THSD7A: variants seen among roughly 807,000 people sequenced by gnomAD.
THSD7A encodes thrombospondin type 1 domain containing 7A, also known as thrombospondin type-1 domain-containing protein 7A.
A neutral mutation model predicts 231.3 loss-of-function variants in THSD7A; 96 were observed. That is an observed-to-expected ratio of 0.41 (90% CI 0.35 to 0.49). The LOEUF (loss-of-function observed/expected upper bound fraction) is 0.49. Ranked by LOEUF, THSD7A falls within the 20% of genes least tolerant of loss-of-function variation. THSD7A has a pLI of 0.05. For synonymous variants in THSD7A, 940 were observed against 743.3 expected (o/e 1.26, Z -4.30); for missense variants, 2,290 against 2,070.2 (o/e 1.11, Z -2.06).
At chr7:11,553,924 A>G (rs535528685) in intron 4 of THSD7A, among the ~76,000 whole-genome samples, 4 of 152,058 alleles carry the variant, frequency 2.6e-5, no homozygotes, top group East Asian at 3.9e-4. Context: ...CACATACTAT[A>G]TAACCTCTAA....
At chr7:11,607,452 C>T (rs1260409861) in intron 2 of THSD7A, among the ~76,000 whole-genome samples, 1 of 151,956 alleles carries the variant, frequency 6.6e-6, no homozygotes, top group African/African-American at 2.4e-5. Flanking sequence ...ATCAGTAATG[C>T]CCCTTTCTTC....
chr7:11,400,061 A>G (rs1783341433), intron 23 of THSD7A, among the ~76,000 whole-genome samples: 1 of 151,438 alleles, frequency 6.6e-6, no homozygotes, highest in African/African-American at 2.4e-5. Flanking sequence ...TATGGCAAGG[A>G]CGAAAAACCA....
At position 11,831,965 on chromosome 7, in the gene THSD7A, A is replaced by G; in HGVS notation, c.-19T>C. The G allele has an allele frequency of 8.2e-7, 1 of 1,225,916 alleles. No individual in the cohort carries two copies. Among genetic ancestry groups the G allele is most frequent in the Non-Finnish European group, 1.0e-6 (1 of 985,786 alleles). 75.9% of individuals were successfully genotyped at this position (1,225,916 alleles called of 1,614,324 possible). A position where few individuals can be genotyped will look rare whatever the true frequency, so the allele number is the denominator to read the frequency against. The stretch of plus-strand genomic sequence containing the variant: ...GCCCCATGCCGCCTGCAGCCACTCC[A>G]GGGTCCAGAGCCGTAGCACGCTCGG... On this transcript the variant is annotated 5_prime_UTR_variant, in exon 1 of 28. Coordinates refer to ENST00000423059, the MANE Select transcript of THSD7A (RefSeq NM_015204.3). This position sits in a 1 kb window ranked among gnomAD's most constrained non-coding sequence, Gnocchi z 5.0.
At chr7:11,567,170 G>A (rs998581293) in intron 4 of THSD7A, among the ~76,000 whole-genome samples, 2 of 152,164 alleles carry the variant, frequency 1.3e-5, no homozygotes, top group Middle Eastern at 3.4e-3. Context: ...AATTTATAAA[G>A]GAAGAGGTTT....
chr7:11,586,156 T>C (rs1779892620), intron 4 of THSD7A, among the ~76,000 whole-genome samples: 1 of 152,214 alleles, frequency 6.6e-6, no homozygotes, highest in Non-Finnish European at 1.5e-5. Context: ...TTTATACTTA[T>C]ATTATTCTCA....
chr7:11,537,905 A>G (rs554864913), intron 6 of THSD7A, among the ~76,000 whole-genome samples: 2 of 152,326 alleles, frequency 1.3e-5, no homozygotes, highest in South Asian at 2.1e-4. Context: ...CAGCATTACT[A>G]GAAGCCAGCC....
At chr7:11,462,215 A>G in intron 9 of THSD7A, 72 bp from the exon 10 acceptor site, 1 of 1,510,292 alleles carries the variant, frequency 6.6e-7, no homozygotes. Context: ...AGTCTGTGTG[A>G]AGAAATTACA....
intron 4 of THSD7A, among the ~76,000 whole-genome samples, chr7:11,588,455 T>A (rs1005458136): frequency 6.6e-6 from 1 of 152,226 alleles, no homozygotes; most frequent in East Asian, 1.9e-4. Flanking sequence ...ATTTACATGA[T>A]AAATATTAAT....
At chr7:11,707,532 A>G (rs574052549) in intron 1 of THSD7A, among the ~76,000 whole-genome samples, 42 of 151,134 alleles carry the variant, frequency 2.8e-4, no homozygotes, top group Middle Eastern at 6.8e-3. Context: ...GTTAGCTAAA[A>G]TCAATACATT....
At chr7:11,478,963 C>T (rs1786313032) in intron 7 of THSD7A, among the ~76,000 whole-genome samples, 1 of 152,126 alleles carries the variant, frequency 6.6e-6, no homozygotes, top group Admixed American at 6.5e-5. Flanking sequence ...TGACATAAAT[C>T]ACTCTTAGAT....
At chr7:11,639,081 T>C (rs1314866790) in intron 1 of THSD7A, among the ~76,000 whole-genome samples, 1 of 152,194 alleles carries the variant, frequency 6.6e-6, no homozygotes, top group Non-Finnish European at 1.5e-5. Flanking sequence ...AAGACATATT[T>C]ATATCAGACT....
chr7:11,415,612 T>C (rs1378696781), intron 17 of THSD7A, among the ~76,000 whole-genome samples: 2 of 152,184 alleles, frequency 1.3e-5, no homozygotes, highest in African/African-American at 4.8e-5. Flanking sequence ...CCTTACCTTA[T>C]GTAAAATGTA....
chr7:11,416,473 A>G (rs908382225), intron 17 of THSD7A, among the ~76,000 whole-genome samples: 3 of 152,230 alleles, frequency 2.0e-5, no homozygotes, highest in African/African-American at 4.8e-5. Context: ...CAGAAAATCA[A>G]TTGTATATCC....
intron 4 of THSD7A, among the ~76,000 whole-genome samples, chr7:11,544,417 T>C (rs547483676): frequency 6.6e-6 from 1 of 152,192 alleles, no homozygotes. Context: ...ACTCTCATGA[T>C]TGGGTGAGCC....
At chr7:11,748,097 G>T (rs925838845) in intron 1 of THSD7A, among the ~76,000 whole-genome samples, 19 of 151,890 alleles carry the variant, frequency 1.3e-4, no homozygotes, top group African/African-American at 4.3e-4. Context: ...TTTTTAAAGA[G>T]CAGCCCAGCA....
chr7:11,712,211 A>G (rs981064618), intron 1 of THSD7A, among the ~76,000 whole-genome samples: 4 of 151,036 alleles, frequency 2.6e-5, no homozygotes, highest in Admixed American at 2.0e-4. Context: ...ATGATGCAAA[A>G]TTACAGGTCC....
chr7:11,465,946 T>A (rs1321448458), intron 9 of THSD7A, among the ~76,000 whole-genome samples: 1 of 152,142 alleles, frequency 6.6e-6, no homozygotes, highest in Non-Finnish European at 1.5e-5. Flanking sequence ...CGTTAGCAAG[T>A]GCACTGGTCT....
At chr7:11,525,750 A>G (rs1272717635) in intron 6 of THSD7A, among the ~76,000 whole-genome samples, 1 of 152,142 alleles carries the variant, frequency 6.6e-6, no homozygotes, top group Non-Finnish European at 1.5e-5. Flanking sequence ...TATGACTTCT[A>G]TTCTTATTTA....
intron 4 of THSD7A, among the ~76,000 whole-genome samples, chr7:11,554,720 G>T (rs776704388): frequency 3.3e-5 from 5 of 151,906 alleles, no homozygotes; most frequent in African/African-American, 1.2e-4. Flanking sequence ...GTCTATGTAT[G>T]AGGCATTTTG....
Sources: allele counts gnomAD v4.1 joint callset (sites outside exome capture counted in the v4.1 genomes callset), GRCh38; gene constraint gnomAD v4.1.1; non-coding constraint Gnocchi (gnomAD v3.1); transcripts MANE v1.5; gene names NCBI Gene and HGNC (gene_info 2026-07-23, HGNC 2026-07-21).